The following SOX5 variants were observed in gnomAD, a reference collection of about 807,000 sequenced individuals.
SOX5 encodes SRY-box transcription factor 5, also known as transcription factor SOX-5.
Under a neutral mutation model 92.0 loss-of-function variants are expected in SOX5, and 9 were observed. The observed-to-expected ratio is 0.10, with a 90% CI of 0.06 to 0.17. The LOEUF is 0.17. Among genes scored for constraint, SOX5 ranks in the 10% least tolerant of loss-of-function variants. SOX5 has a pLI of 1.00. For missense variants in SOX5, 642 were observed against 944.5 expected, an observed-to-expected ratio of 0.68 and a Z score of 4.20; for synonymous variants, 344 against 336.3, an observed-to-expected ratio of 1.02 and a Z score of -0.25.
chr12:24,009,568 A>G (rs1257001574), intron 4 of SOX5, among the ~76,000 whole-genome samples: 1 of 152,136 alleles, frequency 6.6e-6, no homozygotes, highest in Non-Finnish European at 1.5e-5. Flanking sequence ...TTTTGGAGTG[A>G]CAGGCTCTAT....
intron 3 of SOX5, among the ~76,000 whole-genome samples, chr12:24,274,674 A>AG (rs1405867251): frequency 1.3e-5 from 2 of 150,866 alleles, no homozygotes; most frequent in African/African-American, 4.9e-5. Flanking sequence ...TTTGAAAGGA[A>AG]AAAAAAAAAA....
chr12:24,152,562 C>A (rs1951764384), intron 4 of SOX5, among the ~76,000 whole-genome samples: 1 of 152,050 alleles, frequency 6.6e-6, no homozygotes, highest in African/African-American at 2.4e-5. Flanking sequence ...AAAACAATAA[C>A]AGAACATCAC....
At chr12:24,447,628 AAT>A (rs1452534399) in intron 1 of SOX5, among the ~76,000 whole-genome samples, 5 of 152,200 alleles carry the variant, frequency 3.3e-5, no homozygotes, top group African/African-American at 9.7e-5. Flanking sequence ...ATAACAACAT[AAT>A]ATGTTAACAA....
At chr12:23,934,748 C>T (rs1006095485) in intron 1 of SOX5, among the ~76,000 whole-genome samples, 1 of 151,240 alleles carries the variant, frequency 6.6e-6, no homozygotes, top group Non-Finnish European at 1.5e-5. Flanking sequence ...ATTTCCTAAA[C>T]ATGCTAAGTT....
intron 2 of SOX5, among the ~76,000 whole-genome samples, chr12:24,301,409 C>T (rs1258739486): frequency 6.6e-6 from 1 of 152,086 alleles, no homozygotes; most frequent in Non-Finnish European, 1.5e-5. Context: ...ATGAATATTC[C>T]TTATGATATA....
At chr12:23,804,222 A>T (rs111250080) in intron 3 of SOX5, among the ~76,000 whole-genome samples, 79 of 152,302 alleles carry the variant, frequency 5.2e-4, no homozygotes, top group Non-Finnish European at 1.0e-3. Flanking sequence ...AATTCTATAA[A>T]GTAACAGAAA....
intron 4 of SOX5, among the ~76,000 whole-genome samples, chr12:23,748,967 A>T (rs1306241692): frequency 6.6e-6 from 1 of 151,970 alleles, no homozygotes; most frequent in Non-Finnish European, 1.5e-5. Flanking sequence ...CAAGACAGAT[A>T]ACAGCCTTTG....
intron 1 of SOX5, among the ~76,000 whole-genome samples, chr12:24,451,824 A>G (rs889638314): frequency 2.6e-5 from 4 of 152,246 alleles, no homozygotes; most frequent in African/African-American, 7.2e-5. Context: ...AACATTGAAT[A>G]AGAATGGCAT....
At chr12:24,051,233 C>G (rs533546397) in intron 4 of SOX5, among the ~76,000 whole-genome samples, 25 of 152,160 alleles carry the variant, frequency 1.6e-4, no homozygotes, top group African/African-American at 5.5e-4. Context: ...ACTAATAAAA[C>G]TGACTAGAAA....
intron 4 of SOX5, among the ~76,000 whole-genome samples, chr12:24,206,791 G>A (rs1330263635): frequency 6.6e-6 from 1 of 152,206 alleles, no homozygotes; most frequent in South Asian, 2.1e-4. Context: ...CCCAGCAGAA[G>A]GTCACACTGA....
chr12:24,369,744 T>C (rs1043043439), intron 1 of SOX5, among the ~76,000 whole-genome samples: 6 of 152,230 alleles, frequency 3.9e-5, no homozygotes, highest in Admixed American at 6.5e-5. Flanking sequence ...AAACCTGCAA[T>C]TGATGTCAGA....
rs552485945 is a variant in SOX5, at chr12:23,956,860, C to G, written c.-1-60836G>C. ...GCCACCACACCCAGATAATGTTTGT[C>G]TCCATGTTGGCCAGGCTGATCTCGA... On this transcript the variant is annotated intron_variant, in intron 4 of 4. Coordinates refer to the SOX5 transcript ENST00000446891. 8.5e-4 allele frequency among the ~76,000 whole-genome samples: 129 copies of G among 152,150 alleles called. 1 individual carries two copies. The highest frequency in any genetic ancestry group is 3.1e-3 in the African/African-American group (129 of 41,508).
chr12:23,618,517 C>T (rs949278110), intron 8 of SOX5, among the ~76,000 whole-genome samples: 7 of 152,154 alleles, frequency 4.6e-5, no homozygotes, highest in African/African-American at 1.7e-4. Context: ...AAAAAACATA[C>T]TTCCAGAGTA....
At chr12:24,037,140 G>T (rs973529737) in intron 4 of SOX5, among the ~76,000 whole-genome samples, 12 of 152,118 alleles carry the variant, frequency 7.9e-5, no homozygotes, top group African/African-American at 2.9e-4. Flanking sequence ...GGGGGAGGGG[G>T]AGGGAGAAAA....
intron 3 of SOX5, among the ~76,000 whole-genome samples, chr12:23,845,330 T>A (rs1006818332): frequency 6.6e-6 from 1 of 152,218 alleles, no homozygotes; most frequent in African/African-American, 2.4e-5. Flanking sequence ...CAATTATGCA[T>A]AAGTTTGTAC....
At chr12:24,331,179 A>T (rs1379129133) in intron 2 of SOX5, 1 of 152,058 alleles carries the variant, frequency 6.6e-6, no homozygotes, top group East Asian at 1.9e-4. Flanking sequence ...CCGAGCTGTT[A>T]AAAAAAAGTA....
chr12:24,545,890 C>T (rs1274561361), intron 1 of SOX5, among the ~76,000 whole-genome samples: 1 of 152,184 alleles, frequency 6.6e-6, no homozygotes, highest in Non-Finnish European at 1.5e-5. Context: ...AACAGCCATC[C>T]AGTTCCAGAG....
chr12:24,368,901 T>G (rs1016513581), intron 1 of SOX5, among the ~76,000 whole-genome samples: 1 of 152,218 alleles, frequency 6.6e-6, no homozygotes, highest in African/African-American at 2.4e-5. Flanking sequence ...TCAGTTTTGG[T>G]GGAAGCAACC....
At chr12:24,438,410 C>A (rs898795078) in intron 1 of SOX5, among the ~76,000 whole-genome samples, 1 of 151,886 alleles carries the variant, frequency 6.6e-6, no homozygotes, top group Admixed American at 6.6e-5. Context: ...TGTACATGTA[C>A]CCCAGGACTT....
Sources: allele counts gnomAD v4.1 joint callset (sites outside exome capture counted in the v4.1 genomes callset), GRCh38; gene constraint gnomAD v4.1.1; transcripts MANE v1.5; gene names NCBI Gene and HGNC (gene_info 2026-07-23, HGNC 2026-07-21).